The following NUP85 variants were observed in gnomAD, a reference collection of about 807,000 sequenced individuals.
NUP85 encodes the protein nuclear pore complex protein Nup85.
NUP85 carries 23 observed loss-of-function variants against 92.8 expected under a neutral mutation model. The observed-to-expected ratio is 0.25, with a 90% CI of 0.18 to 0.35. The LOEUF (loss-of-function observed/expected upper bound fraction) is 0.35, where lower values mean the gene tolerates loss of function less well. NUP85 is among the 10% of genes least tolerant of loss of function. The pLI is 1.00. For synonymous variants in NUP85, 314 were observed against 306.9 expected (o/e 1.02, Z -0.24); for missense variants, 759 against 822.8 (o/e 0.92, Z 0.95).
intron 11 of NUP85, chr17:75,227,968 T>A (rs2075887320): frequency 6.4e-6 from 1 of 157,076 alleles, no homozygotes; most frequent in Non-Finnish European, 1.4e-5. Context: ...GTCAATATTT[T>A]CACAGGCCTG....
intron 10 of NUP85, 89 bp downstream of exon 10, chr17:75,225,918 C>T (rs925245194): frequency 1.3e-6 from 2 of 1,595,678 alleles, no homozygotes; most frequent in African/African-American, 2.7e-5. Context: ...CCCTGAGGAA[C>T]AGGAAGACCC....
At chr17:75,230,685 A>G (rs1186805613) in intron 11 of NUP85, among the ~76,000 whole-genome samples, 1 of 152,086 alleles carries the variant, frequency 6.6e-6, no homozygotes, top group Non-Finnish European at 1.5e-5. Context: ...AGATGTATAC[A>G]TTGTGAAATT....
chr17:75,235,443 T>G (rs1323600199), intron 18 of NUP85, 135 bp from the exon 19 acceptor site: 1 of 653,110 alleles, frequency 1.5e-6, no homozygotes, highest in Non-Finnish European at 2.7e-6. Flanking sequence ...GGTATTGCTT[T>G]CTTTTACATC....
At chr17:75,226,217 G>A in intron 11 of NUP85, 60 bp downstream of exon 11, 4 of 1,432,504 alleles carry the variant, frequency 2.8e-6, no homozygotes, top group Admixed American at 3.4e-5. Flanking sequence ...TCACCACCTT[G>A]CGTTTCTAGA....
chr17:75,231,585 CATG>C lies in NUP85; in HGVS notation c.1193_1195del (p.Met398del). 1.2e-6 allele frequency: 2 copies of C among 1,614,216 alleles called. No individual in the cohort carries two copies. The highest frequency in any genetic ancestry group is 1.7e-6 in the Non-Finnish European group (2 of 1,180,034). On this transcript the variant is annotated inframe_deletion, in exon 13 of 19. Transcript: ENST00000245544. The surrounding 1 kb of genome is among the most constrained non-coding windows in gnomAD (Gnocchi z 4.6). ...TGTTTTATTCCAGTTTCGGTTCCAA[CATG>C]AGAGAGTTCCTCCTGCTGGAGTACG...
At chr17:75,223,967 T>C (rs2145340112) in intron 7 of NUP85, among the ~76,000 whole-genome samples, 2 of 152,312 alleles carry the variant, frequency 1.3e-5, no homozygotes, top group South Asian at 4.1e-4. Context: ...GTGTAATTCC[T>C]GGCAGACCCA....
In NUP85 at chr17:75,234,729, C is replaced by G. The variant is rs369490158; in HGVS notation, c.1708C>G (p.Pro570Ala). ...LLSLMTSRIA[P>A]RSFWMTLLTD... is the part of the protein sequence containing the mutation. ...GTCCTTGATGACGTCTCGGATTGCC[C>G]CTCGGTCTTTCTGGATGACTCTGCT... is the stretch of plus-strand genomic sequence containing the variant. The change falls in exon 17 of 19, where the codon CCT becomes GCT. Residue 570 changes from proline to alanine, a missense_variant. Coordinates refer to ENST00000245544, the MANE Select transcript of NUP85 (RefSeq NM_024844.5). 5.6e-6 allele frequency: 9 copies of G among 1,614,080 alleles called. No homozygotes were observed. The African/African-American group carries it at 1.2e-4, about 22-fold the overall frequency.
At chr17:75,212,947 G>A in intron 4 of NUP85, 129 bp from the exon 5 acceptor site, 1 of 896,724 alleles carries the variant, frequency 1.1e-6, no homozygotes, top group Non-Finnish European at 1.7e-6. Context: ...AATTAAAAGA[G>A]ATTATAATGT....
intron 7 of NUP85, among the ~76,000 whole-genome samples, chr17:75,221,459 C>T (rs773525699): frequency 3.3e-5 from 5 of 151,834 alleles, no homozygotes; most frequent in East Asian, 3.9e-4. Context: ...ATTTTTTGAA[C>T]TCCTGGCCTC....
intron 10 of NUP85, 22 bp from the exon 11 acceptor site, chr17:75,226,029 G>A (rs2075781367): frequency 1.9e-6 from 3 of 1,612,734 alleles, no homozygotes; most frequent in African/African-American, 1.3e-5. Context: ...TCAGGATTGA[G>A]TGTCTCATCA....
intron 18 of NUP85, 175 bp downstream of exon 18, chr17:75,235,376 G>A (rs1007662770): frequency 6.5e-6 from 4 of 617,296 alleles, no homozygotes; most frequent in Non-Finnish European, 1.1e-5. Flanking sequence ...AGGGATTCTA[G>A]TGTTCTCATC....
At chr17:75,220,949 T>C (rs1420295215) in intron 7 of NUP85, among the ~76,000 whole-genome samples, 2 of 148,640 alleles carry the variant, frequency 1.3e-5, no homozygotes, top group Non-Finnish European at 1.5e-5. Flanking sequence ...TGGCACGATC[T>C]CGGCTCGCTG....
intron 1 of NUP85, among the ~76,000 whole-genome samples, chr17:75,206,109 A>G (rs1321324958): frequency 1.3e-5 from 2 of 152,072 alleles, no homozygotes; most frequent in Non-Finnish European, 2.9e-5. Context: ...CAGCCCAAGC[A>G]GAGGAATTTA....
At chr17:75,229,094 G>A in intron 11 of NUP85, 1 of 985,450 alleles carries the variant, frequency 1.0e-6, no homozygotes, top group Non-Finnish European at 1.2e-6. Flanking sequence ...GCAGTTTCCT[G>A]GTGCCCTTCA....
rs2076303519 is a variant in NUP85, at chr17:75,235,586, C to T, written c.1878C>T (p.Asp626=). The T allele has an allele frequency of 6.2e-7, 1 of 1,613,464 alleles. No homozygotes were observed. The highest frequency in any genetic ancestry group is 8.5e-7 in the Non-Finnish European group (1 of 1,179,476). The change falls in exon 19 of 19, where the codon GAC becomes GAT. Residue 626 remains aspartate, a synonymous_variant. Transcript: ENST00000245544. Reference sequence around the variant, plus strand: ...CGCTCTCTGCTTTGCAGGATGATGACATAGAGACCACCAAGGTGGAAATGC... The same window carrying T: ...CGCTCTCTGCTTTGCAGGATGATGATATAGAGACCACCAAGGTGGAAATGC... ...ESDTEQLQDD[D]IETTKVEMLR...
intron 6 of NUP85, 60 bp downstream of exon 6, chr17:75,215,883 C>T (rs1192590217): frequency 2.2e-6 from 3 of 1,368,190 alleles, no homozygotes; most frequent in Non-Finnish European, 2.1e-6. Context: ...TCTGCTCTTT[C>T]CTCATCTTTC....
chr17:75,216,883 A>AT (rs1223571537), intron 6 of NUP85, among the ~76,000 whole-genome samples: 1 of 151,822 alleles, frequency 6.6e-6, no homozygotes, highest in African/African-American at 2.4e-5. Flanking sequence ...ATTTTATTTC[A>AT]TTTTATTTTT....
intron 6 of NUP85, among the ~76,000 whole-genome samples, chr17:75,217,338 G>C (rs914042541): frequency 6.6e-6 from 1 of 151,662 alleles, no homozygotes; most frequent in African/African-American, 2.4e-5. Flanking sequence ...GGGATTATAG[G>C]CGTGAGCCAC....
At chr17:75,235,255 T>C (rs1462932233) in intron 18 of NUP85, 54 bp downstream of exon 18, 2 of 1,330,302 alleles carry the variant, frequency 1.5e-6, no homozygotes, top group African/African-American at 1.4e-5. Context: ...AAAGGCTCCC[T>C]CTATCTCAGG....
Sources: allele counts gnomAD v4.1 joint callset (sites outside exome capture counted in the v4.1 genomes callset), GRCh38; gene constraint gnomAD v4.1.1; non-coding constraint Gnocchi (gnomAD v3.1); transcripts MANE v1.5; gene names NCBI Gene and HGNC (gene_info 2026-07-23, HGNC 2026-07-21).